The following AKR1C4 variants were observed in gnomAD, a reference collection of about 807,000 sequenced individuals.
AKR1C4 encodes the protein aldo-keto reductase family 1 member C4, also known as 3-alpha-HSD1.
A neutral mutation model predicts 41.0 loss-of-function variants in AKR1C4; 44 were observed. The observed-to-expected ratio is 1.07, with a 90% CI of 0.84 to 1.38. The LOEUF (loss-of-function observed/expected upper bound fraction) is 1.38. Among genes scored for constraint, AKR1C4 ranks in the 40% most tolerant of loss-of-function variants. The pLI, the probability that AKR1C4 is intolerant of heterozygous loss-of-function variation, is 0.00. For synonymous variants in AKR1C4, 165 were observed against 137.7 expected, an observed-to-expected ratio of 1.20 and a Z score of -1.39; for missense variants, 438 against 387.9, an observed-to-expected ratio of 1.13 and a Z score of -1.09.
At chr10:5,202,347 A>T in intron 2 of AKR1C4, 1 of 334,572 alleles carries the variant, frequency 3.0e-6, no homozygotes, top group East Asian at 8.1e-5. Flanking sequence ...TAATTTCTGT[A>T]AACGGATTTT....
Position 5,196,909 on chromosome 10 carries a change from C to T in AKR1C4, c.42C>T (p.His14=). The T allele has an allele frequency of 1.2e-6, 2 of 1,614,018 alleles. No individual in the cohort carries two copies. The highest frequency in any genetic ancestry group is 1.7e-6 in the Non-Finnish European group (2 of 1,179,942). Residue 14 remains histidine, a synonymous_variant, in exon 1 of 9, where the codon CAC becomes CAT. Coordinates refer to ENST00000263126, the MANE Select transcript of AKR1C4 (RefSeq NM_001818.5). Reference sequence around the variant, plus strand: ...AGCGTGTAGAGCTAAATGATGGTCACTTCATGCCCGTATTGGGATTTGGCA... The same window carrying T: ...AGCGTGTAGAGCTAAATGATGGTCATTTCATGCCCGTATTGGGATTTGGCA... The part of the protein sequence containing the change: ...KYQRVELNDG[H]FMPVLGFGTY...
intron 5 of AKR1C4, 150 bp from the exon 6 acceptor site, chr10:5,212,466 A>G: frequency 1.3e-6 from 1 of 766,016 alleles, no homozygotes; most frequent in South Asian, 2.8e-5. Context: ...TTAGACCAGT[A>G]ATATAAACTG....
At chr10:5,208,554 G>C (rs979643599) in intron 5 of AKR1C4, among the ~76,000 whole-genome samples, 2 of 151,478 alleles carry the variant, frequency 1.3e-5, no homozygotes, top group Non-Finnish European at 2.9e-5. Flanking sequence ...GGTAGTATTT[G>C]TTGAATCTCT....
chr10:5,200,022 GC>G lies in AKR1C4; in HGVS notation c.85-154del, dbSNP rs1182215440. 4.6e-5 allele frequency among the ~76,000 whole-genome samples: 7 copies of G among 152,268 alleles called. No individual in the cohort carries two copies. In the East Asian group the frequency reaches 1.2e-3, roughly 25 times the overall value. On this transcript the variant is annotated intron_variant, in intron 1 of 8. Transcript: ENST00000263126. Reference sequence around the variant, plus strand: ...TCAACGGGTCATAGTCCCACAACCTGCCCCCATCTGTATGCTCCCCTAGAGG... The same window carrying G: ...TCAACGGGTCATAGTCCCACAACCTGCCCCATCTGTATGCTCCCCTAGAGG...
intron 2 of AKR1C4, among the ~76,000 whole-genome samples, chr10:5,201,255 T>A (rs1481090974): frequency 1.3e-5 from 2 of 152,162 alleles, no homozygotes; most frequent in African/African-American, 2.4e-5. Flanking sequence ...TTTTACTACA[T>A]TCATGCCAAC....
At chr10:5,201,867 TA>T (rs1463015401) in intron 2 of AKR1C4, among the ~76,000 whole-genome samples, 1 of 152,148 alleles carries the variant, frequency 6.6e-6, no homozygotes, top group Non-Finnish European at 1.5e-5. Context: ...TGAATAGGGT[TA>T]TTTTCCCTAA....
chr10:5,198,404 C>A (rs1387329948), intron 1 of AKR1C4, among the ~76,000 whole-genome samples: 1 of 152,156 alleles, frequency 6.6e-6, no homozygotes, highest in Non-Finnish European at 1.5e-5. Flanking sequence ...AGGGTAGCAT[C>A]TATAATTAAC....
At chr10:5,210,691 A>G (rs1402941234) in intron 5 of AKR1C4, among the ~76,000 whole-genome samples, 4 of 151,242 alleles carry the variant, frequency 2.6e-5, no homozygotes, top group African/African-American at 9.7e-5. Context: ...AGCTCACTGC[A>G]ACCTCCGCCT....
chr10:5,201,038 T>A (rs1554796892), intron 2 of AKR1C4, among the ~76,000 whole-genome samples: 1 of 152,194 alleles, frequency 6.6e-6, no homozygotes, highest in African/African-American at 2.4e-5. Flanking sequence ...GTTTCATATT[T>A]CTACAATTGT....
intron 2 of AKR1C4, among the ~76,000 whole-genome samples, chr10:5,201,627 CT>C (rs1269055908): frequency 6.6e-6 from 1 of 151,964 alleles, no homozygotes; most frequent in African/African-American, 2.4e-5. Flanking sequence ...TTTATTTTTG[CT>C]TTTTGTGCAT....
chr10:5,203,218 C>G (rs1310207350), intron 2 of AKR1C4, among the ~76,000 whole-genome samples: 1 of 151,980 alleles, frequency 6.6e-6, no homozygotes, highest in Admixed American at 6.6e-5. Context: ...TGCTTTCCCC[C>G]GGGGTTCTGG....
intron 7 of AKR1C4, 92 bp downstream of exon 7, chr10:5,213,251 C>T (rs1266421470): frequency 5.4e-5 from 83 of 1,541,584 alleles, no homozygotes; most frequent in Non-Finnish European, 6.1e-5. Context: ...GGACTAAGTC[C>T]ACTTCCTGGG....
In AKR1C4 at chr10:5,213,041, C is replaced by T. The variant is rs111784931; in HGVS notation, c.728C>T (p.Ala243Val). ...PVLLEDPVLCALAKKHKQTPA... is the reference protein window; with the variant it reads ...PVLLEDPVLCVLAKKHKQTPA... ...CTTTTGGAGGACCCAGTTCTTTGTG[C>T]CTTAGCAAAGAAACACAAACAAACC... Residue 243 changes from alanine (A) to valine (V), a missense_variant, in exon 7 of 9, where the codon GCC (alanine) becomes GTC (valine). Transcript: ENST00000263126. 1 of 1,614,144 alleles carries T rather than the reference C, an allele frequency of 6.2e-7. No individual in the cohort carries two copies. Among genetic ancestry groups the T allele is most frequent in the Non-Finnish European group, 8.5e-7 (1 of 1,180,014 alleles).
At chr10:5,210,703 C>A (rs1189480191) in intron 5 of AKR1C4, among the ~76,000 whole-genome samples, 1 of 151,948 alleles carries the variant, frequency 6.6e-6, no homozygotes, top group Non-Finnish European at 1.5e-5. Context: ...CCTCCGCCTC[C>A]CAGGTTCAAG....
At chr10:5,199,260 G>C (rs1554796643) in intron 1 of AKR1C4, among the ~76,000 whole-genome samples, 2 of 152,084 alleles carry the variant, frequency 1.3e-5, no homozygotes, top group Admixed American at 6.6e-5. Flanking sequence ...TTTTTGTGAA[G>C]GTCAGTGCTG....
chr10:5,215,938 T>C (rs80350946), intron 7 of AKR1C4, among the ~76,000 whole-genome samples: 2,917 of 152,282 alleles, frequency 0.019, 98 homozygotes, highest in African/African-American at 0.067. Flanking sequence ...TTTAGCAATG[T>C]CCCACTCCTG....
chr10:5,214,342 A>G (rs1302881516), intron 7 of AKR1C4, among the ~76,000 whole-genome samples: 3 of 146,708 alleles, frequency 2.0e-5, no homozygotes, highest in Admixed American at 7.0e-5. Context: ...TCTTACTACC[A>G]TAATAGTAAC....
At chr10:5,201,565 G>A (rs142882864) in intron 2 of AKR1C4, among the ~76,000 whole-genome samples, 264 of 152,118 alleles carry the variant, frequency 1.7e-3, no homozygotes, top group South Asian at 4.2e-3. Context: ...CTGTTTACTC[G>A]CATGATTATT....
At chr10:5,207,814 TG>T (rs1292558677) in intron 5 of AKR1C4, 1 of 314,364 alleles carries the variant, frequency 3.2e-6, no homozygotes, top group Non-Finnish European at 6.3e-6. Context: ...AATGCAAGAC[TG>T]TCTACAGCCT....
Sources: allele counts gnomAD v4.1 joint callset (sites outside exome capture counted in the v4.1 genomes callset), GRCh38; gene constraint gnomAD v4.1.1; transcripts MANE v1.5; gene names NCBI Gene and HGNC (gene_info 2026-07-23, HGNC 2026-07-21).